MRPS5: variants seen among roughly 807,000 people sequenced by gnomAD.
The protein encoded by MRPS5 is mitochondrial ribosomal protein S5.
Under a neutral mutation model 51.9 loss-of-function variants are expected in MRPS5, and 27 were observed. The ratio of observed to expected loss-of-function variants is 0.52; its 90% CI spans 0.38 to 0.72. MRPS5 has a LOEUF of 0.72. Among genes scored for constraint, MRPS5 ranks in the 30% least tolerant of loss-of-function variants. The pLI, the probability that MRPS5 is intolerant of heterozygous loss-of-function variation, is 0.00. For missense variants in MRPS5, 570 were observed against 545.7 expected (o/e 1.04, Z -0.44); for synonymous variants, 196 against 193.2 (o/e 1.01, Z -0.12).
At chr2:95,088,029 G>A (rs1477771137) in intron 11 of MRPS5, among the ~76,000 whole-genome samples, 32 of 151,358 alleles carry the variant, frequency 2.1e-4, no homozygotes, top group Non-Finnish European at 3.7e-4. Context: ...AATCATAAGC[G>A]GGGCGGGGGT....
In MRPS5 at chr2:95,108,325, C is replaced by T. The variant is rs1413970252; in HGVS notation, c.487G>A (p.Glu163Lys). ...AVQTIAQRSK[E>K]EQEKVEADMI... is the part of the protein sequence containing the mutation. ...TCTGCCTCCACCTTCTCCTGCTCTT[C>T]CTTGCTTCTTTGGGCAATGGTCTGC... is the stretch of plus-strand genomic sequence containing the variant. Residue 163 changes from glutamate (E) to lysine (K), a missense_variant, in exon 5 of 12, where the codon GAA (glutamate) becomes AAA (lysine). Coordinates refer to ENST00000272418, the MANE Select transcript of MRPS5 (RefSeq NM_031902.5). The T allele has an allele frequency of 6.2e-7, 1 of 1,614,084 alleles. No individual in the cohort carries two copies. Among genetic ancestry groups the T allele is most frequent in the Non-Finnish European group, 8.5e-7 (1 of 1,180,058 alleles).
intron 2 of MRPS5, 77 bp from the exon 3 acceptor site, chr2:95,115,280 T>G: frequency 7.8e-7 from 1 of 1,289,266 alleles, no homozygotes; most frequent in Non-Finnish European, 1.0e-6. Flanking sequence ...AAATAATCAT[T>G]ACTAACAAAA....
rs758302629 is a variant in MRPS5, at chr2:95,117,956, G to GAA, written c.59-13_59-12dup. On this transcript the variant is annotated splice_polypyrimidine_tract_variant and intron_variant, in intron 1 of 11. Coordinates refer to ENST00000272418, the MANE Select transcript of MRPS5 (RefSeq NM_031902.5). ...TCCCCAATAAATGACCTGCAAATTGGAAAAAAAAAAATTTAAGATACATTT... is the reference window on the plus strand; with the variant it reads ...TCCCCAATAAATGACCTGCAAATTGGAAAAAAAAAAAAATTTAAGATACATTT... The GAA allele has an allele frequency of 2.6e-5, 35 of 1,372,426 alleles. No homozygotes were observed. The highest frequency in any genetic ancestry group is 2.1e-4 in the Middle Eastern group (1 of 4,840). The allele number at this position is 1,372,426 out of a possible 1,614,324, so 85.0% of individuals were successfully genotyped here. A position where few individuals can be genotyped will look rare whatever the true frequency, so the allele number is the denominator to read the frequency against.
chr2:95,119,899 A>G (rs1676391311), intron 1 of MRPS5, among the ~76,000 whole-genome samples: 1 of 152,122 alleles, frequency 6.6e-6, no homozygotes, highest in Non-Finnish European at 1.5e-5. Context: ...CCACTCTACA[A>G]AAAATAAAGA....
chr2:95,086,297 A>G lies in MRPS5; in HGVS notation c.*1060T>C, dbSNP rs1675285580. 6.6e-6 allele frequency among the ~76,000 whole-genome samples: 1 copy of G among 151,834 alleles called. No homozygotes were observed. The highest frequency in any genetic ancestry group is 1.5e-5 in the Non-Finnish European group (1 of 67,938). On this transcript the variant is annotated 3_prime_UTR_variant, in exon 12 of 12. Transcript: ENST00000272418. ...TAAACACTCTTGAAGCCATTTAAAG[A>G]AAAAAAAAGTCTCAGCAAATAGCCT... is the stretch of plus-strand genomic sequence containing the variant.
intron 5 of MRPS5, among the ~76,000 whole-genome samples, chr2:95,107,969 C>T (rs1675999575): frequency 2.0e-5 from 3 of 152,126 alleles, no homozygotes; most frequent in Non-Finnish European, 4.4e-5. Context: ...ATACCAGGAA[C>T]CCAGTGCTTT....
At position 95,109,903 on chromosome 2, in the gene MRPS5, T is replaced by G; in HGVS notation, c.403+13A>C. The G allele has an allele frequency of 1.9e-6, 3 of 1,599,972 alleles. No homozygotes were observed. Among genetic ancestry groups the G allele is most frequent in the Non-Finnish European group, 2.5e-6 (3 of 1,176,962 alleles). On this transcript the variant is annotated intron_variant, in intron 4 of 11. Coordinates refer to ENST00000272418, the MANE Select transcript of MRPS5 (RefSeq NM_031902.5). ...TTACAAAGCACTTTAGCTATTTTTATAAATAAGTTTACCTTCACCAATGAT... is the reference window on the plus strand; with the variant it reads ...TTACAAAGCACTTTAGCTATTTTTAGAAATAAGTTTACCTTCACCAATGAT...
intron 10 of MRPS5, chr2:95,092,728 G>A (rs796235992): frequency 2.0e-5 from 3 of 152,306 alleles, no homozygotes; most frequent in African/African-American, 7.2e-5. Flanking sequence ...AATTACAGCA[G>A]TCATTTGAAT....
chr2:95,094,422 C>T (rs887336535), intron 10 of MRPS5, among the ~76,000 whole-genome samples: 24 of 152,222 alleles, frequency 1.6e-4, no homozygotes, highest in Middle Eastern at 3.4e-3. Flanking sequence ...AACCCCAAGA[C>T]ACATAATTAT....
intron 8 of MRPS5, 87 bp downstream of exon 8, chr2:95,101,587 AATT>A: frequency 9.3e-7 from 1 of 1,070,746 alleles, no homozygotes; most frequent in South Asian, 1.6e-5. Flanking sequence ...TTCTGGGACA[AATT>A]ATTATTGTTT....
intron 10 of MRPS5, chr2:95,091,312 G>A: frequency 6.5e-6 from 1 of 153,150 alleles, no homozygotes; most frequent in Non-Finnish European, 1.5e-5. Context: ...TGCCCCCTTG[G>A]CTCCTTCTCA....
Position 95,108,346 on chromosome 2 carries a change from TCTGCA to T in MRPS5, c.461_465del (p.Val154AspfsTer33), listed in dbSNP as rs1371022315. The T allele has an allele frequency of 6.2e-7, 1 of 1,614,198 alleles. No homozygotes were observed. The highest frequency in any genetic ancestry group is 2.2e-5 in the East Asian group (1 of 44,884). Reference sequence around the variant, plus strand: ...TCTTCCTTGCTTCTTTGGGCAATGGTCTGCACTGCTCCATTTTTCATAAGAGGGAC... The same window carrying T: ...TCTTCCTTGCTTCTTTGGGCAATGGTCTGCTCCATTTTTCATAAGAGGGAC... On this transcript the variant is annotated frameshift_variant, in exon 5 of 12. Coordinates refer to ENST00000272418, the MANE Select transcript of MRPS5 (RefSeq NM_031902.5). LOFTEE classifies it high-confidence loss of function.
At position 95,097,488 on chromosome 2, in the gene MRPS5, T is replaced by A. The variant is rs564080967; in HGVS notation, c.931+2986A>T. ...AGTAACCAAAACAGCATGGTACTGG[T>A]ACCAAAACAGAGATATAGACCAATG... On this transcript the variant is annotated intron_variant, in intron 10 of 11. Coordinates refer to ENST00000272418, the MANE Select transcript of MRPS5 (RefSeq NM_031902.5). 5.9e-5 allele frequency among the ~76,000 whole-genome samples: 9 copies of A among 152,280 alleles called. No homozygotes were observed. In the East Asian group the frequency reaches 1.5e-3, roughly 26 times the overall value.
chr2:95,117,854 A>G lies in MRPS5; in HGVS notation c.139+11T>C, dbSNP rs893472281. The G allele has an allele frequency of 6.3e-7, 1 of 1,594,016 alleles. No homozygotes were observed. The highest frequency in any genetic ancestry group is 1.4e-5 in the African/African-American group (1 of 73,688). ...CTTATGAGAAAAGGTAGTAGCATTA[A>G]TGAATCTCACCATTGCCGAGAACAC... On this transcript the variant is annotated intron_variant, in intron 2 of 11. Transcript: ENST00000272418.
At chr2:95,101,773 G>A (rs1675811651) in intron 7 of MRPS5, 50 bp from the exon 8 acceptor site, 1 of 1,404,642 alleles carries the variant, frequency 7.1e-7, no homozygotes, top group South Asian at 1.3e-5. Context: ...TTTTGCCCAT[G>A]TGGTTTTTGC....
rs1271935815 is a variant in MRPS5, at chr2:95,104,739, C to T, written c.673-9G>A. The T allele has an allele frequency of 2.5e-6, 4 of 1,612,952 alleles. No individual in the cohort carries two copies. The highest frequency in any genetic ancestry group is 1.7e-5 in the Admixed American group (1 of 59,956). On this transcript the variant is annotated splice_polypyrimidine_tract_variant and intron_variant, in intron 6 of 11. Coordinates refer to ENST00000272418, the MANE Select transcript of MRPS5 (RefSeq NM_031902.5). ...GTGAAAACGTTTCTTACCTAAAAGG[C>T]AAAATGTCTCATAAATATTGCACAT...
chr2:95,121,953 C>T (rs1471913084), upstream of MRPS5: 1 of 808,356 alleles, frequency 1.2e-6, no homozygotes, highest in Non-Finnish European at 1.8e-6. Flanking sequence ...TCCGGACGGG[C>T]CACACTGCAG....
rs1239098561 is a variant in MRPS5, at chr2:95,088,539, C to T, written c.1069-958G>A. The stretch of plus-strand genomic sequence containing the variant: ...CACTATTCTAATTATATATCTAATG[C>T]CCTGCAGTATGTGTGAAATTAGAAA... On this transcript the variant is annotated intron_variant, in intron 11 of 11. Coordinates refer to ENST00000272418, the MANE Select transcript of MRPS5 (RefSeq NM_031902.5). Among the ~76,000 whole-genome samples, 3 of 152,148 alleles carry T rather than the reference C, an allele frequency of 2.0e-5. No homozygotes were observed. In the East Asian group the frequency reaches 5.8e-4, roughly 29 times the overall value.
intron 3 of MRPS5, among the ~76,000 whole-genome samples, chr2:95,110,863 A>T (rs2104421293): frequency 6.6e-6 from 1 of 152,318 alleles, no homozygotes; most frequent in Non-Finnish European, 1.5e-5. Context: ...TTATAACAGT[A>T]AAAAATCTAA....
Sources: gnomAD v4.1 joint callset for allele counts (sites outside exome capture counted in the v4.1 genomes callset) on GRCh38, gnomAD v4.1.1 for gene constraint, MANE v1.5 for transcripts, NCBI Gene and HGNC (gene_info 2026-07-23, HGNC 2026-07-21) for gene names.